The following GMDS variants were observed in gnomAD, a reference collection of about 807,000 sequenced individuals.
GMDS encodes the protein GDP-mannose 4,6 dehydratase.
A neutral mutation model predicts 49.9 loss-of-function variants in GMDS; 20 were observed. The ratio of observed to expected loss-of-function variants is 0.40; its 90% CI spans 0.28 to 0.58. The LOEUF (loss-of-function observed/expected upper bound fraction) is 0.58, where lower values mean the gene tolerates loss of function less well. Ranked by LOEUF, GMDS falls within the 20% of genes least tolerant of loss-of-function variation. The probability of loss-of-function intolerance (pLI) is 0.42; values close to 1 mark genes in which losing one functional copy is unlikely to be tolerated. For missense variants in GMDS, 362 were observed against 481.4 expected, an observed-to-expected ratio of 0.75 and a Z score of 2.32; for synonymous variants, 177 against 178.6, an observed-to-expected ratio of 0.99 and a Z score of 0.07.
At chr6:2,117,989 G>T (rs1581674226) in intron 2 of GMDS, among the ~76,000 whole-genome samples, 1 of 152,182 alleles carries the variant, frequency 6.6e-6, no homozygotes, top group Non-Finnish European at 1.5e-5. Flanking sequence ...CTCAGAGCTT[G>T]CACTTTGCAT....
chr6:1,881,613 G>C (rs900317696), intron 7 of GMDS, among the ~76,000 whole-genome samples: 1 of 152,200 alleles, frequency 6.6e-6, no homozygotes, highest in African/African-American at 2.4e-5. Context: ...GTACAAGGCA[G>C]GTATACGAGG....
chr6:2,089,878 T>C (rs1033896811), intron 4 of GMDS, among the ~76,000 whole-genome samples: 7 of 152,168 alleles, frequency 4.6e-5, no homozygotes, highest in African/African-American at 1.7e-4. Context: ...AGCACAAAAG[T>C]ACTTTTCCTG....
At chr6:2,012,344 T>C (rs1223075792) in intron 4 of GMDS, among the ~76,000 whole-genome samples, 1 of 152,314 alleles carries the variant, frequency 6.6e-6, no homozygotes, top group East Asian at 1.9e-4. Context: ...TTCTAATTAA[T>C]AGAGATTTTC....
At chr6:1,735,788 A>G (rs1279440940) in intron 8 of GMDS, among the ~76,000 whole-genome samples, 1 of 152,266 alleles carries the variant, frequency 6.6e-6, no homozygotes, top group African/African-American at 2.4e-5. Flanking sequence ...TTACTTCAGT[A>G]TCAATATAAT....
At chr6:2,040,102 G>A (rs1043899100) in intron 4 of GMDS, among the ~76,000 whole-genome samples, 9 of 152,116 alleles carry the variant, frequency 5.9e-5, no homozygotes, top group African/African-American at 9.7e-5. Flanking sequence ...ACCAAAATGC[G>A]GTTATGCAGC....
chr6:1,846,574 T>C (rs1357966595), intron 7 of GMDS, among the ~76,000 whole-genome samples: 1 of 152,218 alleles, frequency 6.6e-6, no homozygotes, highest in Non-Finnish European at 1.5e-5. Flanking sequence ...AGGGAAACGA[T>C]ATGGAAGCCA....
chr6:2,076,649 A>G (rs1227577386), intron 4 of GMDS, among the ~76,000 whole-genome samples: 1 of 152,216 alleles, frequency 6.6e-6, no homozygotes, highest in Non-Finnish European at 1.5e-5. Context: ...TGACAAAAAT[A>G]AGCAATGGGG....
Position 2,245,441 on chromosome 6 carries a change from G to C in GMDS, c.-19C>G, listed in dbSNP as rs1389002040. 7.0e-7 allele frequency: 1 copy of C among 1,427,392 alleles called. No individual in the cohort carries two copies. 88.4% of individuals were successfully genotyped at this position (1,427,392 alleles called of 1,614,324 possible). A position where few individuals can be genotyped will look rare whatever the true frequency, so the allele number is the denominator to read the frequency against. On this transcript the variant is annotated 5_prime_UTR_variant, in exon 1 of 11. Transcript: ENST00000380815. ...GTGCCATGTCCCGCGGCGGGCGTGC[G>C]GTCGGCGGCAGGGCGGAGCGCGGCA...
chr6:2,020,653 T>C (rs969877325), intron 4 of GMDS, among the ~76,000 whole-genome samples: 2 of 151,118 alleles, frequency 1.3e-5, no homozygotes, highest in African/African-American at 4.9e-5. Flanking sequence ...AGCCCCTTAA[T>C]GGCAAAAAAA....
chr6:1,933,600 T>A (rs1029893021), intron 6 of GMDS, among the ~76,000 whole-genome samples: 85 of 152,240 alleles, frequency 5.6e-4, no homozygotes, highest in African/African-American at 2.0e-3. Context: ...TTCCGATGTG[T>A]CCTTCTCAAT....
At chr6:1,860,342 T>C (rs1006409725) in intron 7 of GMDS, among the ~76,000 whole-genome samples, 3 of 152,104 alleles carry the variant, frequency 2.0e-5, no homozygotes, top group Non-Finnish European at 4.4e-5. Context: ...CAAATGCACA[T>C]GTGAAGTAAA....
chr6:1,669,917 CAAAAAA>C (rs66490758), intron 9 of GMDS, among the ~76,000 whole-genome samples: 4 of 45,220 alleles, frequency 8.8e-5, no homozygotes, highest in Admixed American at 8.8e-4. Flanking sequence ...GACTCCATCT[CAAAAAA>C]AAAAAAAAAA....
chr6:2,229,203 C>G (rs980733608), intron 1 of GMDS, among the ~76,000 whole-genome samples: 2 of 152,170 alleles, frequency 1.3e-5, no homozygotes, highest in African/African-American at 2.4e-5. Flanking sequence ...ACAATGTTCT[C>G]ATTTCCAGAA....
At chr6:1,820,095 T>C (rs1049764571) in intron 7 of GMDS, among the ~76,000 whole-genome samples, 4 of 152,070 alleles carry the variant, frequency 2.6e-5, no homozygotes, top group Non-Finnish European at 4.4e-5. Context: ...GTTTTTCTTA[T>C]AGTTTATAAA....
At chr6:2,124,789 C>A in intron 1 of GMDS, 58 bp from the exon 2 acceptor site, 1 of 1,320,420 alleles carries the variant, frequency 7.6e-7, no homozygotes, top group East Asian at 2.3e-5. Flanking sequence ...GAAAGGTGGT[C>A]TAGATGAAGA....
At chr6:1,713,605 G>GACACAC (rs59883105) in intron 9 of GMDS, among the ~76,000 whole-genome samples, 1 of 150,798 alleles carries the variant, frequency 6.6e-6, no homozygotes, top group Non-Finnish European at 1.5e-5. Flanking sequence ...GGATCAATGG[G>GACACAC]ACACACACAC....
intron 4 of GMDS, among the ~76,000 whole-genome samples, chr6:2,066,476 T>C (rs1771600980): frequency 6.6e-6 from 1 of 151,194 alleles, no homozygotes; most frequent in Admixed American, 6.6e-5. Flanking sequence ...GACTGGCAAA[T>C]TGGATAAAGA....
chr6:1,997,462 C>A (rs558242461), intron 4 of GMDS, among the ~76,000 whole-genome samples: 2 of 146,114 alleles, frequency 1.4e-5, no homozygotes, highest in South Asian at 4.4e-4. Context: ...GAGCTGAGAT[C>A]GCGCCACTGC....
intron 6 of GMDS, among the ~76,000 whole-genome samples, chr6:1,945,437 A>C (rs948184298): frequency 1.3e-5 from 2 of 152,178 alleles, no homozygotes; most frequent in African/African-American, 4.8e-5. Context: ...GCATTTGGTC[A>C]GTACTAGATG....
Sources: allele counts gnomAD v4.1 joint callset (sites outside exome capture counted in the v4.1 genomes callset), GRCh38; gene constraint gnomAD v4.1.1; transcripts MANE v1.5; gene names NCBI Gene and HGNC (gene_info 2026-07-23, HGNC 2026-07-21).